FER1L6: variants seen among roughly 807,000 people sequenced by gnomAD.
The protein encoded by FER1L6 is fer-1 like family member 6.
A neutral mutation model predicts 219.2 loss-of-function variants in FER1L6; 177 were observed. The observed-to-expected ratio is 0.81, with a 90% CI of 0.71 to 0.91. The LOEUF (loss-of-function observed/expected upper bound fraction) is 0.91. FER1L6 is among the 40% of genes least tolerant of loss of function. The pLI is 0.00. For missense variants in FER1L6, 2,153 were observed against 2,259.9 expected, an observed-to-expected ratio of 0.95 and a Z score of 0.96; for synonymous variants, 768 against 824.3, an observed-to-expected ratio of 0.93 and a Z score of 1.17.
Position 124,013,460 on chromosome 8 carries a change from G to A in FER1L6, c.1851G>A (p.Leu617=), listed in dbSNP as rs2130579700. ...AAAGTATAGAAGAAGTGAGAGAATT[G>A]ATCAAGATTTCACAGGAGGCACCTG... is the stretch of plus-strand genomic sequence containing the variant. ...LEESIEEVRE[L]IKISQEAPEE... Residue 617 remains leucine (L), a synonymous_variant, in exon 15 of 41, where the codon TTG becomes TTA. Coordinates refer to ENST00000522917, the MANE Select transcript of FER1L6 (RefSeq NM_001039112.2). The A allele has an allele frequency of 6.2e-7, 1 of 1,608,836 alleles. No homozygotes were observed. The highest frequency in any genetic ancestry group is 8.5e-7 in the Non-Finnish European group (1 of 1,178,270).
intron 1 of FER1L6, among the ~76,000 whole-genome samples, chr8:123,937,393 C>G (rs1490328103): frequency 6.6e-6 from 1 of 152,150 alleles, no homozygotes; most frequent in Non-Finnish European, 1.5e-5. Flanking sequence ...TCTAAGACTG[C>G]TGGTTGGCTT....
intron 39 of FER1L6, among the ~76,000 whole-genome samples, chr8:124,115,188 A>T (rs999280493): frequency 4.0e-5 from 6 of 150,840 alleles, no homozygotes; most frequent in Non-Finnish European, 8.8e-5. Context: ...ATCCACGGAT[A>T]TCATTAGGCT....
At position 123,865,178 on chromosome 8, in the gene FER1L6, T is replaced by G. The variant is rs1352250915; in HGVS notation, c.-8+12993T>G. On this transcript the variant is annotated intron_variant, in intron 1 of 40. Transcript: ENST00000522917. ...GTTTTCGGTGTGGATGTCCTTTCTG[T>G]TTGTTAGTTTTCCTTCTAACAGACA... Among the ~76,000 whole-genome samples, 6 of 148,874 alleles carry G rather than the reference T, an allele frequency of 4.0e-5. 1 individual carries two copies. Among genetic ancestry groups the G allele is most frequent in the Admixed American group, 1.3e-4 (2 of 15,096 alleles).
In FER1L6 at chr8:123,873,878, T is replaced by A. The variant is rs561873784; in HGVS notation, c.-8+21693T>A. On this transcript the variant is annotated intron_variant, in intron 1 of 40. Transcript: ENST00000522917. ...TGACCTTTCTGCTTCTGTCTTCTAA[T>A]GCTCTGAATCCAACAATTATTTACC... is the stretch of plus-strand genomic sequence containing the variant. Among the ~76,000 whole-genome samples, 122 of 152,324 alleles carry A rather than the reference T, an allele frequency of 8.0e-4. 1 individual carries two copies. Among genetic ancestry groups the A allele is most frequent in the African/African-American group, 2.9e-3 (121 of 41,578 alleles).
intron 5 of FER1L6, among the ~76,000 whole-genome samples, chr8:123,966,882 C>A (rs1055570413): frequency 6.6e-6 from 1 of 152,050 alleles, no homozygotes. Flanking sequence ...GAGATCAAGA[C>A]CATCCTGGCT....
chr8:123,977,318 A>T (rs1214830220), intron 9 of FER1L6, 99 bp from the exon 10 acceptor site: 1 of 1,241,994 alleles, frequency 8.1e-7, no homozygotes, highest in Admixed American at 2.1e-5. Flanking sequence ...CAGGTTCATT[A>T]TCTTTGAAAA....
chr8:123,874,123 C>T lies in FER1L6; in HGVS notation c.-8+21938C>T, dbSNP rs546299340. ...CTATCCTTTGCCTATTCCCAGACAG[C>T]TAAATGAGGCTAGAGAAAAACATGC... On this transcript the variant is annotated intron_variant, in intron 1 of 40. Transcript: ENST00000522917. Among the ~76,000 whole-genome samples, 35 of 152,260 alleles carry T rather than the reference C, an allele frequency of 2.3e-4. 1 individual carries two copies. The South Asian group carries it at 7.1e-3, about 31-fold the overall frequency.
intron 33 of FER1L6, 96 bp from the exon 34 acceptor site, chr8:124,091,327 C>A: frequency 1.0e-6 from 1 of 996,080 alleles, no homozygotes; most frequent in Non-Finnish European, 1.4e-6. Context: ...CCCAGATACA[C>A]AGAATAGCAA....
rs200889411 is a variant in FER1L6, at chr8:123,898,842, CAT to C, written c.-8+46663_-8+46664del. On this transcript the variant is annotated intron_variant, in intron 1 of 40. Transcript: ENST00000522917. ...ATATGTGTATATATATATATACATA[CAT>C]ATATACACACACACACACACACACA... 9.0e-5 allele frequency among the ~76,000 whole-genome samples: 8 copies of C among 89,272 alleles called. 1 individual carries two copies. The highest frequency in any genetic ancestry group is 4.0e-4 in the South Asian group (1 of 2,474). The allele number at this position is 89,272 out of a possible 152,430, so 58.6% of individuals were successfully genotyped here. A position where few individuals can be genotyped will look rare whatever the true frequency, so the allele number is the denominator to read the frequency against.
intron 1 of FER1L6, among the ~76,000 whole-genome samples, chr8:123,938,803 C>T (rs1290321300): frequency 6.6e-6 from 1 of 152,132 alleles, no homozygotes; most frequent in Non-Finnish European, 1.5e-5. Context: ...CTGCCTTGAC[C>T]TCCCAAAGTG....
intron 1 of FER1L6, among the ~76,000 whole-genome samples, chr8:123,900,089 A>G (rs1330969618): frequency 6.6e-6 from 1 of 152,110 alleles, no homozygotes; most frequent in Non-Finnish European, 1.5e-5. Flanking sequence ...TTTTGGTAGT[A>G]TGGTCATTTT....
At chr8:123,875,092 G>A (rs890859512) in intron 1 of FER1L6, among the ~76,000 whole-genome samples, 5 of 152,244 alleles carry the variant, frequency 3.3e-5, no homozygotes, top group African/African-American at 1.2e-4. Flanking sequence ...CTACTTGGAA[G>A]GCTGAGGCAG....
intron 20 of FER1L6, among the ~76,000 whole-genome samples, chr8:124,043,575 C>A (rs544996443): frequency 2.0e-5 from 3 of 152,300 alleles, no homozygotes; most frequent in Admixed American, 6.5e-5. Flanking sequence ...ATCCCTATTT[C>A]ACAGATAAAG....
chr8:123,959,661 C>T (rs186606142), intron 2 of FER1L6, among the ~76,000 whole-genome samples: 1 of 152,190 alleles, frequency 6.6e-6, no homozygotes, highest in Non-Finnish European at 1.5e-5. Flanking sequence ...AATCAGCGAA[C>T]CAAAATGCAC....
Position 124,035,358 on chromosome 8 carries a change from A to T in FER1L6, c.2368A>T (p.Ser790Cys). 6.2e-7 allele frequency: 1 copy of T among 1,614,138 alleles called. No homozygotes were observed. Among genetic ancestry groups the T allele is most frequent in the Non-Finnish European group, 8.5e-7 (1 of 1,180,000 alleles). Residue 790 changes from serine to cysteine, a missense_variant, in exon 19 of 41, where the codon AGT becomes TGT. By Grantham distance (112) the Ser-to-Cys change is moderately radical (BLOSUM62 -1). Coordinates refer to ENST00000522917, the MANE Select transcript of FER1L6 (RefSeq NM_001039112.2). ...GTGGCTGGGCTCCATCAAGCATGCC[A>T]GTGCCATTTTGGACAACTTGCCAGT... ...YLWLGSIKHA[S>C]AILDNLPVGY...
At chr8:123,970,172 C>T (rs557581280) in intron 6 of FER1L6, 75 bp downstream of exon 6, 1 of 1,284,092 alleles carries the variant, frequency 7.8e-7, no homozygotes, top group Admixed American at 1.7e-5. Flanking sequence ...TCTGGGACAA[C>T]TCAGCATACT....
At chr8:123,856,394 T>C (rs907544568) in intron 1 of FER1L6, among the ~76,000 whole-genome samples, 1 of 144,546 alleles carries the variant, frequency 6.9e-6, no homozygotes, top group African/African-American at 2.6e-5. Context: ...AATCTTCAAA[T>C]CTGCAGAGCT....
At chr8:123,859,351 A>G (rs1816703930) in intron 1 of FER1L6, among the ~76,000 whole-genome samples, 1 of 151,572 alleles carries the variant, frequency 6.6e-6, no homozygotes, top group Non-Finnish European at 1.5e-5. Flanking sequence ...CATTATGGAA[A>G]GAGTCAGTCA....
chr8:123,871,844 T>G (rs1414930170), intron 1 of FER1L6, among the ~76,000 whole-genome samples: 1 of 152,202 alleles, frequency 6.6e-6, no homozygotes, highest in Non-Finnish European at 1.5e-5. Context: ...CAGAGATAAG[T>G]CACGTTGATA....
Sources: gnomAD v4.1 joint callset for allele counts (sites outside exome capture counted in the v4.1 genomes callset) on GRCh38, gnomAD v4.1.1 for gene constraint, MANE v1.5 for transcripts, NCBI Gene and HGNC (gene_info 2026-07-23, HGNC 2026-07-21) for gene names.